RPTOR: variants seen among roughly 807,000 people sequenced by gnomAD.
The protein encoded by RPTOR is regulatory associated protein of MTOR complex 1, also known as regulatory-associated protein of mTOR.
Under a neutral mutation model 169.9 loss-of-function variants are expected in RPTOR, and 21 were observed. The observed-to-expected ratio is 0.12, with a 90% confidence interval of 0.09 to 0.18. The LOEUF (loss-of-function observed/expected upper bound fraction) is 0.18, where lower values mean the gene tolerates loss of function less well. Ranked by LOEUF, RPTOR falls within the 10% of genes least tolerant of loss-of-function variation. The pLI, the probability that RPTOR is intolerant of heterozygous loss-of-function variation, is 1.00. For synonymous variants in RPTOR, 732 were observed against 753.2 expected, an observed-to-expected ratio of 0.97 and a Z score of 0.46; for missense variants, 1,133 against 1,855.9, an observed-to-expected ratio of 0.61 and a Z score of 7.16.
intron 11 of RPTOR, among the ~76,000 whole-genome samples, chr17:80,854,720 C>T (rs917470994): frequency 2.0e-5 from 3 of 152,172 alleles, no homozygotes; most frequent in Non-Finnish European, 2.9e-5. Flanking sequence ...TAGTGAGACC[C>T]CCATCTCTAT....
chr17:80,797,003 C>T (rs753686853), intron 7 of RPTOR, among the ~76,000 whole-genome samples: 1 of 152,238 alleles, frequency 6.6e-6, no homozygotes, highest in African/African-American at 2.4e-5. Context: ...CAGTTTTTAA[C>T]TTGCATAGAC....
chr17:80,808,067 G>A (rs2067237101), intron 7 of RPTOR, among the ~76,000 whole-genome samples: 1 of 152,072 alleles, frequency 6.6e-6, no homozygotes. Flanking sequence ...AGCTGAGGCA[G>A]GAGGATCACT....
At chr17:80,871,949 A>G (rs1034044140) in intron 13 of RPTOR, among the ~76,000 whole-genome samples, 9 of 152,144 alleles carry the variant, frequency 5.9e-5, no homozygotes, top group Admixed American at 5.2e-4. Context: ...GTAGTCAGGA[A>G]CGCGCCTGTG....
intron 1 of RPTOR, among the ~76,000 whole-genome samples, chr17:80,612,302 A>G (rs1444070738): frequency 6.6e-6 from 1 of 152,102 alleles, no homozygotes; most frequent in Non-Finnish European, 1.5e-5. Context: ...GCTAATTAAA[A>G]AATTTTTTTG....
chr17:80,584,905 C>T (rs139476741), intron 1 of RPTOR, among the ~76,000 whole-genome samples: 1 of 152,164 alleles, frequency 6.6e-6, no homozygotes, highest in African/African-American at 2.4e-5. Context: ...AAGATGTTAC[C>T]AGAACTCAAA....
intron 3 of RPTOR, among the ~76,000 whole-genome samples, chr17:80,647,461 G>A (rs1020797860): frequency 3.9e-5 from 6 of 152,132 alleles, no homozygotes; most frequent in Non-Finnish European, 5.9e-5. Context: ...GTTTAGTACA[G>A]GATGGAAGTT....
At chr17:80,817,492 A>G (rs2067336242) in intron 7 of RPTOR, among the ~76,000 whole-genome samples, 1 of 149,024 alleles carries the variant, frequency 6.7e-6, no homozygotes, top group Admixed American at 6.7e-5. Flanking sequence ...GAACCTGGAG[A>G]GACTGGGAGG....
intron 25 of RPTOR, among the ~76,000 whole-genome samples, chr17:80,942,507 A>G (rs2069044904): frequency 6.6e-6 from 1 of 152,038 alleles, no homozygotes; most frequent in South Asian, 2.1e-4. Flanking sequence ...AGGCCTCAAG[A>G]CACAGGGGAT....
intron 13 of RPTOR, among the ~76,000 whole-genome samples, chr17:80,863,105 G>A (rs1047697964): frequency 6.6e-6 from 1 of 152,254 alleles, no homozygotes; most frequent in African/African-American, 2.4e-5. Flanking sequence ...GGCTCGGGCG[G>A]AAGAAAAGAC....
intron 6 of RPTOR, among the ~76,000 whole-genome samples, chr17:80,755,830 C>T (rs1004272052): frequency 3.9e-5 from 6 of 151,970 alleles, no homozygotes; most frequent in African/African-American, 9.7e-5. Flanking sequence ...TTTCTGCTGT[C>T]CAGCCAGTAC....
At chr17:80,703,688 C>T (rs1056734009) in intron 3 of RPTOR, among the ~76,000 whole-genome samples, 12 of 152,222 alleles carry the variant, frequency 7.9e-5, no homozygotes, top group African/African-American at 2.2e-4. Context: ...GACCCTCCTT[C>T]CCAGGGCCCC....
At position 80,940,505 on chromosome 17, in the gene RPTOR, G is replaced by C. The variant is rs763452127; in HGVS notation, c.2929G>C (p.Glu977Gln). Residue 977 changes from glutamate (E) to glutamine (Q), a missense_variant, in exon 25 of 34, where the codon GAG (glutamate) becomes CAG (glutamine). Around this residue, in one of 9 missense-constraint regions of RPTOR, gnomAD observed 410 missense variants for 623.7 expected, o/e 0.66. Coordinates refer to ENST00000306801, the MANE Select transcript of RPTOR (RefSeq NM_020761.3). ...TTTTCTGTTGTTGAAGATCCCAGAA[G>C]AGCACGACCTGGAGAGTCAGATCCG... is the stretch of plus-strand genomic sequence containing the variant. ...FAQPVMKIPEEHDLESQIRKE... is the reference protein window; with the variant it reads ...FAQPVMKIPEQHDLESQIRKE... 38 of 1,613,538 alleles carry C rather than the reference G, an allele frequency of 2.4e-5. No homozygotes were observed. Among genetic ancestry groups the C allele is most frequent in the Non-Finnish European group, 3.1e-5 (37 of 1,179,864 alleles).
chr17:80,896,863 A>G (rs1037917871), intron 20 of RPTOR, among the ~76,000 whole-genome samples: 74 of 152,306 alleles, frequency 4.9e-4, no homozygotes, highest in African/African-American at 1.6e-3. Flanking sequence ...TGTCTTCAAG[A>G]CAGTCTAACT....
At chr17:80,712,400 C>T (rs763324198) in intron 4 of RPTOR, among the ~76,000 whole-genome samples, 19 of 152,176 alleles carry the variant, frequency 1.2e-4, no homozygotes, top group Non-Finnish European at 2.5e-4. Flanking sequence ...TCCAGAATGT[C>T]CTATAGTTGG....
intron 28 of RPTOR, among the ~76,000 whole-genome samples, chr17:80,953,253 G>A (rs2069205462): frequency 6.6e-6 from 1 of 152,100 alleles, no homozygotes; most frequent in Non-Finnish European, 1.5e-5. Flanking sequence ...GCCCATTAAA[G>A]CAGTTTCTTC....
rs1422160572 is a variant in RPTOR at position 80,878,507 on chromosome 17, C to T, written c.1510-1908C>T. Among the ~76,000 whole-genome samples the T allele has an allele frequency of 6.6e-6, 1 of 152,126 alleles. No individual in the cohort carries two copies. The highest frequency in any genetic ancestry group is 1.9e-4 in the East Asian group (1 of 5,184). ...GACTACAGGCACGCACCACCACACC[C>T]TGCTAATTTTTGTATTTTTTAGTAG... On this transcript the variant is annotated intron_variant, in intron 13 of 33. Coordinates refer to ENST00000306801, the MANE Select transcript of RPTOR (RefSeq NM_020761.3). This position sits in a 1 kb window ranked among gnomAD's most constrained non-coding sequence, Gnocchi z 4.1.
rs2143098118 is a variant in RPTOR at position 80,708,645 on chromosome 17, G to A, written c.507+646G>A. ...ACTGTCTCCTCATCCTCCAGGGTGT[G>A]GTGGGTGCTGACTGTTGTCCCCACC... On this transcript the variant is annotated intron_variant, in intron 4 of 33. Transcript: ENST00000306801. This position sits in a 1 kb window ranked among gnomAD's most constrained non-coding sequence, Gnocchi z 4.2. Among the ~76,000 whole-genome samples the A allele has an allele frequency of 6.7e-6, 1 of 149,134 alleles. No homozygotes were observed. The highest frequency in any genetic ancestry group is 1.9e-4 in the East Asian group (1 of 5,130).
At chr17:80,654,232 A>C (rs1023487570) in intron 3 of RPTOR, among the ~76,000 whole-genome samples, 1 of 152,222 alleles carries the variant, frequency 6.6e-6, no homozygotes, top group Non-Finnish European at 1.5e-5. Flanking sequence ...GTGGGGTCTT[A>C]AACACAGAAA....
chr17:80,875,714 C>T (rs1052185258), intron 13 of RPTOR, among the ~76,000 whole-genome samples: 4 of 151,818 alleles, frequency 2.6e-5, no homozygotes, highest in African/African-American at 7.3e-5. Flanking sequence ...CCTGCCGGGT[C>T]TTCCACCGAG....
Sources: gnomAD v4.1 joint callset for allele counts (sites outside exome capture counted in the v4.1 genomes callset) on GRCh38, gnomAD v4.1.1 for gene constraint, gnomAD v4.1.1 regional missense constraint, Gnocchi (gnomAD v3.1) non-coding constraint, MANE v1.5 for transcripts, NCBI Gene and HGNC (gene_info 2026-07-23, HGNC 2026-07-21) for gene names.